STAC: variants seen among roughly 807,000 people sequenced by gnomAD.
STAC encodes SH3 and cysteine-rich domain-containing protein.
A neutral mutation model predicts 48.8 loss-of-function variants in STAC; 43 were observed. That is an observed-to-expected ratio of 0.88 (90% CI 0.69 to 1.14). The LOEUF is 1.14. Ranked by LOEUF, STAC falls within the 50% of genes most tolerant of loss-of-function variation. The pLI is 0.00. For synonymous variants in STAC, 193 were observed against 179.5 expected, an observed-to-expected ratio of 1.07 and a Z score of -0.60; for missense variants, 497 against 504.0, an observed-to-expected ratio of 0.99 and a Z score of 0.13.
In STAC at chr3:36,380,601, C is replaced by T. The variant is rs1166789419; in HGVS notation, c.-43C>T. The stretch of plus-strand genomic sequence containing the variant: ...GGCAGGGCGCGCAGGACAGAAGCCT[C>T]GCTGTTCCTCCGGGAGCCCAACACC... On this transcript the variant is annotated 5_prime_UTR_variant, in exon 1 of 11. Coordinates refer to ENST00000273183, the MANE Select transcript of STAC (RefSeq NM_003149.3). 1 of 1,469,422 alleles carries T rather than the reference C, an allele frequency of 6.8e-7. No homozygotes were observed. The highest frequency in any genetic ancestry group is 9.3e-7 in the Non-Finnish European group (1 of 1,072,712). The allele number at this position is 1,469,422 out of a possible 1,614,324, so 91.0% of individuals were successfully genotyped here.
intron 5 of STAC, among the ~76,000 whole-genome samples, chr3:36,490,737 T>C (rs1483651011): frequency 6.6e-6 from 1 of 152,218 alleles, no homozygotes; most frequent in Non-Finnish European, 1.5e-5. Flanking sequence ...GCCTCCTCAT[T>C]TGAGGCTGAT....
intron 1 of STAC, among the ~76,000 whole-genome samples, chr3:36,382,496 C>G (rs1699532696): frequency 6.6e-6 from 1 of 152,186 alleles, no homozygotes; most frequent in African/African-American, 2.4e-5. Context: ...TAGTTTTTCT[C>G]AAAGTGGTCT....
intron 5 of STAC, among the ~76,000 whole-genome samples, chr3:36,487,422 A>G (rs1697842272): frequency 6.6e-6 from 1 of 152,256 alleles, no homozygotes; most frequent in South Asian, 2.1e-4. Flanking sequence ...CTAAGAGGAA[A>G]GAACTAAAAA....
At chr3:36,456,089 G>A (rs896294146) in intron 2 of STAC, among the ~76,000 whole-genome samples, 1 of 149,198 alleles carries the variant, frequency 6.7e-6, no homozygotes, top group East Asian at 2.0e-4. Flanking sequence ...ACACACTCCT[G>A]CCTCCAGTCA....
intron 5 of STAC, among the ~76,000 whole-genome samples, chr3:36,492,484 A>T (rs1698018562): frequency 6.6e-6 from 1 of 152,188 alleles, no homozygotes; most frequent in South Asian, 2.1e-4. Flanking sequence ...CTATCATAGG[A>T]TTAATTTGGG....
At position 36,537,817 on chromosome 3, in the gene STAC, T is replaced by A. The variant is rs114812296; in HGVS notation, c.1111-8374T>A. 3.9e-3 allele frequency among the ~76,000 whole-genome samples: 592 copies of A among 152,192 alleles called. 7 individuals carry two copies. Among genetic ancestry groups the A allele is most frequent in the African/African-American group, 0.013 (524 of 41,552 alleles). On this transcript the variant is annotated intron_variant, in intron 10 of 10. Coordinates refer to ENST00000273183, the MANE Select transcript of STAC (RefSeq NM_003149.3). Reference sequence around the variant, plus strand: ...CCATAAATTGAATATTTATGTGGAATTCAGTCTATTTTACTCTAGTTGACC... The same window carrying A: ...CCATAAATTGAATATTTATGTGGAAATCAGTCTATTTTACTCTAGTTGACC...
chr3:36,480,907 T>C (rs750160478), intron 2 of STAC, among the ~76,000 whole-genome samples: 1 of 152,084 alleles, frequency 6.6e-6, no homozygotes, highest in Non-Finnish European at 1.5e-5. Flanking sequence ...CCTCATTGAG[T>C]TCATGGTCCA....
At chr3:36,484,596 A>AT (rs1399060305) in intron 3 of STAC, among the ~76,000 whole-genome samples, 1 of 152,202 alleles carries the variant, frequency 6.6e-6, no homozygotes, top group Non-Finnish European at 1.5e-5. Context: ...CAGGCCTTTT[A>AT]TTTATATTAT....
At chr3:36,467,467 C>A (rs1015219041) in intron 2 of STAC, among the ~76,000 whole-genome samples, 2 of 151,944 alleles carry the variant, frequency 1.3e-5, no homozygotes, top group African/African-American at 4.8e-5. Flanking sequence ...TGAATCTGTG[C>A]GGTTCTGGAC....
At position 36,489,284 on chromosome 3, in the gene STAC, A is replaced by T. The variant is rs191260475; in HGVS notation, c.687+3035A>T. 4.4e-3 allele frequency among the ~76,000 whole-genome samples: 675 copies of T among 152,292 alleles called. 4 individuals are homozygous for T. Among genetic ancestry groups the T allele is most frequent in the Admixed American group, 6.5e-3 (99 of 15,294 alleles). Reference sequence around the variant, plus strand: ...CCTGGCACATAGTGAATACTCAAGAAATGTGTGAAGAATGAGGAAGAATTA... The same window carrying T: ...CCTGGCACATAGTGAATACTCAAGATATGTGTGAAGAATGAGGAAGAATTA... On this transcript the variant is annotated intron_variant, in intron 5 of 10. Coordinates refer to ENST00000273183, the MANE Select transcript of STAC (RefSeq NM_003149.3).
intron 10 of STAC, among the ~76,000 whole-genome samples, chr3:36,534,412 A>C (rs1219596532): frequency 3.9e-5 from 6 of 152,230 alleles, no homozygotes; most frequent in African/African-American, 1.4e-4. Flanking sequence ...CTTACCCAGT[A>C]AGCACCAGAA....
intron 2 of STAC, among the ~76,000 whole-genome samples, chr3:36,462,654 T>G (rs1360182471): frequency 6.6e-6 from 1 of 151,878 alleles, no homozygotes; most frequent in Non-Finnish European, 1.5e-5. Context: ...AAAAGGAAAA[T>G]AGATTGAGGA....
intron 1 of STAC, among the ~76,000 whole-genome samples, chr3:36,418,125 T>C (rs1303388674): frequency 1.3e-5 from 2 of 152,152 alleles, no homozygotes; most frequent in Admixed American, 6.5e-5. Flanking sequence ...AGTTCTTTGA[T>C]TTATCTATTT....
At chr3:36,518,836 C>G (rs760158887) in intron 8 of STAC, among the ~76,000 whole-genome samples, 2 of 152,208 alleles carry the variant, frequency 1.3e-5, no homozygotes, top group Admixed American at 6.5e-5. Context: ...CACCTCTCAT[C>G]GCATGATAGC....
intron 1 of STAC, among the ~76,000 whole-genome samples, chr3:36,390,169 A>G (rs749601155): frequency 8.5e-5 from 13 of 152,136 alleles, no homozygotes; most frequent in South Asian, 4.1e-4. Flanking sequence ...TAGCCACTCT[A>G]GAAGCCACCA....
Position 36,528,929 on chromosome 3 carries a change from G to A in STAC, c.1054G>A (p.Val352Ile), listed in dbSNP as rs763342034. 1 of 1,613,716 alleles carries A rather than the reference G, an allele frequency of 6.2e-7. No individual in the cohort carries two copies. The highest frequency in any genetic ancestry group is 1.1e-5 in the South Asian group (1 of 91,052). ...LQQNEKIFRC[V>I]RTFIGCKEQG... ...ACAAAATGAGAAGATTTTTAGATGT[G>A]TTAGAACCTTCATTGGGTGTAAGGA... Residue 352 changes from valine (V) to isoleucine (I), a missense_variant, in exon 10 of 11, where the codon GTT (valine) becomes ATT (isoleucine). Physicochemically the swap from Val to Ile is conservative, Grantham distance 29. Transcript: ENST00000273183.
At chr3:36,388,210 C>A (rs1699665839) in intron 1 of STAC, among the ~76,000 whole-genome samples, 2 of 152,076 alleles carry the variant, frequency 1.3e-5, no homozygotes, top group South Asian at 2.1e-4. Flanking sequence ...TTGAATGATG[C>A]AGAAGTATTG....
intron 8 of STAC, among the ~76,000 whole-genome samples, chr3:36,524,761 G>A (rs1312765809): frequency 2.0e-5 from 3 of 151,422 alleles, no homozygotes. Flanking sequence ...GAGATTGTTG[G>A]GTGATGCCTG....
intron 6 of STAC, among the ~76,000 whole-genome samples, chr3:36,499,333 G>A (rs933260128): frequency 3.3e-5 from 5 of 152,146 alleles, no homozygotes; most frequent in African/African-American, 4.8e-5. Flanking sequence ...CTGACTTTAT[G>A]TGGGAAATGG....
Sources: allele counts gnomAD v4.1 joint callset (sites outside exome capture counted in the v4.1 genomes callset), GRCh38; gene constraint gnomAD v4.1.1; transcripts MANE v1.5; gene names NCBI Gene and HGNC (gene_info 2026-07-23, HGNC 2026-07-21).